Variants in ABLIM2 observed in about 807,000 individuals in gnomAD.
The protein encoded by ABLIM2 is actin binding LIM protein family member 2.
In ABLIM2, 53 loss-of-function variants were observed where a neutral mutation model predicts 97.7. That is an observed-to-expected ratio of 0.54 (90% CI 0.44 to 0.68). The LOEUF (loss-of-function observed/expected upper bound fraction) is 0.68, where lower values mean the gene tolerates loss of function less well. ABLIM2 is among the 30% of genes least tolerant of loss of function. ABLIM2 has a pLI of 0.00. For missense variants in ABLIM2, 835 were observed against 867.2 expected (o/e 0.96, Z 0.47); for synonymous variants, 361 against 345.8 (o/e 1.04, Z -0.49).
chr4:8,077,934 C>T (rs765172021), intron 5 of ABLIM2, among the ~76,000 whole-genome samples: 12 of 152,198 alleles, frequency 7.9e-5, no homozygotes, highest in Non-Finnish European at 1.5e-4. Context: ...ATTTCACAGA[C>T]GGAGAAACTG....
rs568397683 is a variant in ABLIM2 at position 8,155,946 on chromosome 4, T to C, written c.10+2734A>G. Among the ~76,000 whole-genome samples, 4 of 152,272 alleles carry C rather than the reference T, an allele frequency of 2.6e-5. No homozygotes were observed. In the South Asian group the frequency reaches 8.3e-4, roughly 32 times the overall value. ...GAAGGAAGTAACCCAGCTGACACCTTGATCTCAGACTTCTGGCCTCTAGAA... is the reference window on the plus strand; with the variant it reads ...GAAGGAAGTAACCCAGCTGACACCTCGATCTCAGACTTCTGGCCTCTAGAA... On this transcript the variant is annotated intron_variant, in intron 1 of 20. Coordinates refer to ENST00000447017, the MANE Select transcript of ABLIM2 (RefSeq NM_001130083.2). This position sits in a 1 kb window ranked among gnomAD's most constrained non-coding sequence, Gnocchi z 4.2.
In ABLIM2 at chr4:8,002,999, CTT is replaced by C. The variant is rs956369325; in HGVS notation, c.1618+5058_1618+5059del. 1.3e-5 allele frequency among the ~76,000 whole-genome samples: 2 copies of C among 152,222 alleles called. No individual in the cohort carries two copies. The highest frequency in any genetic ancestry group is 4.8e-5 in the African/African-American group (2 of 41,466). On this transcript the variant is annotated intron_variant, in intron 16 of 20. Transcript: ENST00000447017. The surrounding 1 kb of genome is among the most constrained non-coding windows in gnomAD (Gnocchi z 6.1). ...TATAACTCACTTTCAGCTTGTTTCT[CTT>C]TGTCTCCCAGCCCCTAGTAGAATGT...
intron 12 of ABLIM2, among the ~76,000 whole-genome samples, chr4:8,024,101 G>C (rs11934947): frequency 0.19 from 29,028 of 152,156 alleles, 2,914 homozygotes; most frequent in East Asian, 0.31. Context: ...AGGCGCTGCC[G>C]GGGTCTGGGC....
At chr4:7,969,445 A>G (rs1725750690) in intron 20 of ABLIM2, among the ~76,000 whole-genome samples, 1 of 152,086 alleles carries the variant, frequency 6.6e-6, no homozygotes, top group South Asian at 2.1e-4. Context: ...ACACAGTGAG[A>G]CCCTGTCTCA....
rs1212769548 is a variant in ABLIM2 at position 8,058,392 on chromosome 4, C to A, written c.763+2575G>T. On this transcript the variant is annotated intron_variant, in intron 7 of 20. Coordinates refer to ENST00000447017, the MANE Select transcript of ABLIM2 (RefSeq NM_001130083.2). The surrounding 1 kb of genome is among the most constrained non-coding windows in gnomAD (Gnocchi z 4.2). ...AAAGGCAGGCCTGTGTGATCCACGG[C>A]CCTGTGACAATGGCCGCATGAGGTC... Among the ~76,000 whole-genome samples the A allele has an allele frequency of 1.3e-5, 2 of 152,206 alleles. No homozygotes were observed. The highest frequency in any genetic ancestry group is 2.9e-5 in the Non-Finnish European group (2 of 68,032).
intron 20 of ABLIM2, among the ~76,000 whole-genome samples, chr4:7,969,386 T>G (rs1725711949): frequency 6.6e-6 from 1 of 151,686 alleles, no homozygotes; most frequent in African/African-American, 2.4e-5. Context: ...GCCAGGGGGT[T>G]GAAGCTGCAG....
chr4:8,144,741 G>A lies in ABLIM2; in HGVS notation c.10+13939C>T, dbSNP rs528832541. Reference sequence around the variant, plus strand: ...TGTGAAGAGGACTCACAGAGGTGACGCGGCCCACACTCAGCCAGTGTTATG... The same window carrying A: ...TGTGAAGAGGACTCACAGAGGTGACACGGCCCACACTCAGCCAGTGTTATG... On this transcript the variant is annotated intron_variant, in intron 1 of 20. Coordinates refer to ENST00000447017, the MANE Select transcript of ABLIM2 (RefSeq NM_001130083.2). 9.8e-5 allele frequency among the ~76,000 whole-genome samples: 15 copies of A among 152,328 alleles called. No homozygotes were observed. The South Asian group carries it at 2.1e-3, about 21-fold the overall frequency.
chr4:8,080,710 A>T lies in ABLIM2; in HGVS notation c.547T>A (p.Cys183Ser). The T allele has an allele frequency of 6.2e-7, 1 of 1,611,734 alleles. No individual in the cohort carries two copies. The highest frequency in any genetic ancestry group is 2.2e-5 in the East Asian group (1 of 44,808). ...WHLGCFKCKSCGKLLNAEYIS... is the reference protein window; with the variant it reads ...WHLGCFKCKSSGKLLNAEYIS... ...TACTCGGCATTCAGGAGCTTCCCAC[A>T]GCTCTTGCACTTAAAACAGCCCAAG... Residue 183 changes from cysteine to serine, a missense_variant, in exon 5 of 21, where the codon TGT becomes AGT. By Grantham distance (112) the Cys-to-Ser change is moderately radical (BLOSUM62 -1). Transcript: ENST00000447017.
intron 14 of ABLIM2, among the ~76,000 whole-genome samples, chr4:8,012,720 A>G (rs138688057): frequency 6.7e-6 from 1 of 149,868 alleles, no homozygotes; most frequent in African/African-American, 2.5e-5. Context: ...GCTTCCACTT[A>G]TCTACTCACT....
At chr4:8,096,184 T>A (rs1483495410) in intron 3 of ABLIM2, among the ~76,000 whole-genome samples, 5 of 152,196 alleles carry the variant, frequency 3.3e-5, no homozygotes, top group Non-Finnish European at 7.3e-5. Flanking sequence ...TGTTCCTTTC[T>A]CTTAGTTCTG....
At chr4:8,073,882 G>A (rs370521838) in intron 6 of ABLIM2, among the ~76,000 whole-genome samples, 3 of 152,090 alleles carry the variant, frequency 2.0e-5, no homozygotes, top group African/African-American at 7.2e-5. Context: ...GAGGTCGGGA[G>A]TTCGAGACCA....
intron 1 of ABLIM2, 46 bp from the exon 2 acceptor site, chr4:8,106,683 G>T (rs1181312133): frequency 7.7e-6 from 12 of 1,558,152 alleles, no homozygotes; most frequent in South Asian, 1.2e-5. Flanking sequence ...GGATGTGTGA[G>T]GCACAAAGGT....
In ABLIM2 at chr4:7,972,883, C is replaced by A. The variant is rs1311749960; in HGVS notation, c.1825-5780G>T. Among the ~76,000 whole-genome samples, 4 of 152,174 alleles carry A rather than the reference C, an allele frequency of 2.6e-5. No homozygotes were observed. The South Asian group carries it at 8.3e-4, about 32-fold the overall frequency. Reference sequence around the variant, plus strand: ...CACCCTCAGTCTACCAGGACACACCCTCTCATCAGACCAGTTGGATGAGTT... The same window carrying A: ...CACCCTCAGTCTACCAGGACACACCATCTCATCAGACCAGTTGGATGAGTT... On this transcript the variant is annotated intron_variant, in intron 20 of 20. Coordinates refer to ENST00000447017, the MANE Select transcript of ABLIM2 (RefSeq NM_001130083.2).
Position 8,002,420 on chromosome 4 carries a change from T to C in ABLIM2, c.1618+5639A>G, listed in dbSNP as rs1159349029. 6.6e-6 allele frequency among the ~76,000 whole-genome samples: 1 copy of C among 152,184 alleles called. No homozygotes were observed. Among genetic ancestry groups the C allele is most frequent in the Admixed American group, 6.5e-5 (1 of 15,282 alleles). Reference sequence around the variant, plus strand: ...GATCCTTCCAGGGCCCCCCACTGCTTTTGTGGGAGCCCTTTTCCTCTCGCC... The same window carrying C: ...GATCCTTCCAGGGCCCCCCACTGCTCTTGTGGGAGCCCTTTTCCTCTCGCC... On this transcript the variant is annotated intron_variant, in intron 16 of 20. Coordinates refer to ENST00000447017, the MANE Select transcript of ABLIM2 (RefSeq NM_001130083.2). This position sits in a 1 kb window ranked among gnomAD's most constrained non-coding sequence, Gnocchi z 6.1.
intron 8 of ABLIM2, among the ~76,000 whole-genome samples, chr4:8,051,199 C>T (rs1795802031): frequency 1.3e-5 from 2 of 152,208 alleles, no homozygotes; most frequent in African/African-American, 4.8e-5. Flanking sequence ...TGGCTGTGGC[C>T]GCGGAGCTCC....
At chr4:8,154,636 T>C (rs59911956) in intron 1 of ABLIM2, among the ~76,000 whole-genome samples, 3,645 of 152,332 alleles carry the variant, frequency 0.024, 152 homozygotes, top group African/African-American at 0.083. Context: ...TTTACATATG[T>C]AGTTAATTCT....
At chr4:8,094,103 C>T (rs1830204981) in intron 3 of ABLIM2, among the ~76,000 whole-genome samples, 1 of 152,196 alleles carries the variant, frequency 6.6e-6, no homozygotes. Context: ...ACCCAATCTA[C>T]TGCTAATTCC....
At chr4:8,143,030 A>G (rs892927615) in intron 1 of ABLIM2, among the ~76,000 whole-genome samples, 1 of 152,106 alleles carries the variant, frequency 6.6e-6, no homozygotes, top group African/African-American at 2.4e-5. Flanking sequence ...TCCCATCTGC[A>G]AAGGCCCCAG....
chr4:8,044,694 A>ATCTCT lies in ABLIM2; in HGVS notation c.900+469_900+470insAGAGA, dbSNP rs1560909749. ...GTCTCTCTCTCTCTCTCTCTCTCGA[A>ATCTCT]CGAACGAAAACGGGATCACATAATT... On this transcript the variant is annotated intron_variant, in intron 9 of 20. Coordinates refer to ENST00000447017, the MANE Select transcript of ABLIM2 (RefSeq NM_001130083.2). This position sits in a 1 kb window ranked among gnomAD's most constrained non-coding sequence, Gnocchi z 4.4. Among the ~76,000 whole-genome samples the ATCTCT allele has an allele frequency of 0.023, 3,505 of 149,560 alleles. 126 individuals carry two copies. Among genetic ancestry groups the ATCTCT allele is most frequent in the African/African-American group, 0.077 (3,111 of 40,382 alleles).
Sources: allele counts gnomAD v4.1 joint callset (sites outside exome capture counted in the v4.1 genomes callset), GRCh38; gene constraint gnomAD v4.1.1; non-coding constraint Gnocchi (gnomAD v3.1); transcripts MANE v1.5; gene names NCBI Gene and HGNC (gene_info 2026-07-23, HGNC 2026-07-21).